The following DAW1 variants were observed in gnomAD, a reference collection of about 807,000 sequenced individuals.
DAW1 encodes dynein assembly factor with WD repeat domains 1.
In DAW1, 47 loss-of-function variants were observed where a neutral mutation model predicts 56.5. The ratio of observed to expected loss-of-function variants is 0.83; its 90% confidence interval spans 0.66 to 1.06. DAW1 has a LOEUF of 1.06. Among genes scored for constraint, DAW1 ranks in the 50% least tolerant of loss-of-function variants. The pLI, the probability that DAW1 is intolerant of heterozygous loss-of-function variation, is 0.00. For missense variants in DAW1, 505 were observed against 499.3 expected (o/e 1.01, Z -0.11); for synonymous variants, 190 against 179.0 (o/e 1.06, Z -0.49).
At chr2:227,871,834 C>G (rs1280335712) in intron 1 of DAW1, 105 bp downstream of exon 1, 10 of 1,494,386 alleles carry the variant, frequency 6.7e-6, no homozygotes, top group Non-Finnish European at 8.2e-6. Context: ...CGGCGGGGTC[C>G]CCAGGTGGGG....
At chr2:227,885,658 A>AG (rs397974344) in intron 2 of DAW1, among the ~76,000 whole-genome samples, 1 of 151,926 alleles carries the variant, frequency 6.6e-6, no homozygotes, top group Non-Finnish European at 1.5e-5. Context: ...TCTTAAAAAA[A>AG]TAAACCTTTT....
At chr2:227,880,217 C>G (rs1690976168) in intron 1 of DAW1, among the ~76,000 whole-genome samples, 1 of 152,108 alleles carries the variant, frequency 6.6e-6, no homozygotes, top group African/African-American at 2.4e-5. Flanking sequence ...GATACAGTAT[C>G]TCTTTCTTAT....
chr2:227,876,347 T>C, intron 1 of DAW1: 1 of 1,038,046 alleles, frequency 9.6e-7, no homozygotes, highest in South Asian at 1.6e-5. Flanking sequence ...GCTCACGTAA[T>C]TCTCTTGACT....
chr2:227,923,730 A>G (rs569859838), intron 12 of DAW1, among the ~76,000 whole-genome samples: 2 of 151,902 alleles, frequency 1.3e-5, no homozygotes, highest in East Asian at 1.9e-4. Context: ...TTAATTTACA[A>G]CTAGCTGGTA....
intron 8 of DAW1, 92 bp downstream of exon 8, chr2:227,905,127 C>A: frequency 1.0e-6 from 1 of 957,732 alleles, no homozygotes; most frequent in South Asian, 1.8e-5. Context: ...TATCTATTAA[C>A]TCTGCTTTGG....
intron 5 of DAW1, among the ~76,000 whole-genome samples, chr2:227,896,087 G>A (rs1691400421): frequency 6.6e-6 from 1 of 152,040 alleles, no homozygotes; most frequent in South Asian, 2.1e-4. Context: ...AATTGTGATG[G>A]CACCAACTTA....
At chr2:227,892,774 TG>T (rs1331147607) in intron 4 of DAW1, among the ~76,000 whole-genome samples, 2 of 152,160 alleles carry the variant, frequency 1.3e-5, no homozygotes, top group Admixed American at 6.5e-5. Context: ...TTCAATTTTG[TG>T]GGTTGTTTTC....
chr2:227,880,730 C>A (rs12151451), intron 1 of DAW1, among the ~76,000 whole-genome samples: 1 of 152,028 alleles, frequency 6.6e-6, no homozygotes, highest in Non-Finnish European at 1.5e-5. Flanking sequence ...GAAAAATTCC[C>A]TCTGAGAGAT....
chr2:227,893,981 GAGAAAGGGA>G (rs1691345305), intron 5 of DAW1, 64 bp downstream of exon 5: 1 of 1,461,518 alleles, frequency 6.8e-7, no homozygotes, highest in African/African-American at 1.4e-5. Context: ...TCTGCTTGGG[GAGAAAGGGA>G]AGAAGACAAG....
At chr2:227,900,928 C>T (rs1250327444) in intron 6 of DAW1, among the ~76,000 whole-genome samples, 2 of 152,154 alleles carry the variant, frequency 1.3e-5, no homozygotes, top group Non-Finnish European at 2.9e-5. Flanking sequence ...GAGAGGCAAG[C>T]AAGGGCCATA....
intron 4 of DAW1, 76 bp downstream of exon 4, chr2:227,891,389 G>T: frequency 8.0e-7 from 1 of 1,248,326 alleles, no homozygotes; most frequent in Non-Finnish European, 1.2e-6. Context: ...ATTCCAGTTA[G>T]ATAAGTACAT....
chr2:227,891,402 T>G, intron 4 of DAW1, 89 bp downstream of exon 4: 3 of 1,132,934 alleles, frequency 2.6e-6, no homozygotes, highest in Non-Finnish European at 3.9e-6. Context: ...AAGTACATAA[T>G]ATATTCATTT....
chr2:227,905,968 A>C (rs1448935004), intron 8 of DAW1, among the ~76,000 whole-genome samples: 1 of 152,102 alleles, frequency 6.6e-6, no homozygotes, highest in East Asian at 1.9e-4. Flanking sequence ...GTTAGCCAGG[A>C]TGGTCTCTAT....
intron 7 of DAW1, 28 bp downstream of exon 7, chr2:227,903,137 T>A: frequency 6.2e-7 from 1 of 1,601,176 alleles, no homozygotes. Context: ...ATAAGCCTGT[T>A]ATTTGTGTTC....
intron 1 of DAW1, among the ~76,000 whole-genome samples, chr2:227,885,010 T>A (rs1691091705): frequency 6.6e-6 from 1 of 152,042 alleles, no homozygotes; most frequent in African/African-American, 2.4e-5. Flanking sequence ...AGTTTTGGGG[T>A]GTGGAATGCG....
At position 227,909,670 on chromosome 2, in the gene DAW1, G is replaced by A. The variant is rs576621569; in HGVS notation, c.973+2418G>A. 3.9e-5 allele frequency among the ~76,000 whole-genome samples: 6 copies of A among 152,104 alleles called. 1 individual carries two copies. The South Asian group carries it at 1.0e-3, about 26-fold the overall frequency. On this transcript the variant is annotated intron_variant, in intron 10 of 12. Coordinates refer to ENST00000309931, the MANE Select transcript of DAW1 (RefSeq NM_178821.3). ...CCAAAAACTTGAGAGAACTGAGGAGGGCACTGGTGTCAGTCTTGGAGTCTG... is the reference window on the plus strand; with the variant it reads ...CCAAAAACTTGAGAGAACTGAGGAGAGCACTGGTGTCAGTCTTGGAGTCTG...
intron 10 of DAW1, among the ~76,000 whole-genome samples, chr2:227,913,942 C>G (rs1320304861): frequency 6.7e-6 from 1 of 150,312 alleles, no homozygotes; most frequent in Non-Finnish European, 1.5e-5. Context: ...TCATCATCAT[C>G]ATCATCATCT....
intron 2 of DAW1, 62 bp downstream of exon 2, chr2:227,885,485 G>C: frequency 7.8e-7 from 1 of 1,274,784 alleles, no homozygotes; most frequent in Non-Finnish European, 1.1e-6. Context: ...ACAGAGTGAT[G>C]TGTGGATGAG....
In DAW1 at chr2:227,916,640, T is replaced by C. The variant is rs369999098; in HGVS notation, c.974-2140T>C. Among the ~76,000 whole-genome samples, 11 of 152,302 alleles carry C rather than the reference T, an allele frequency of 7.2e-5. No individual in the cohort carries two copies. The East Asian group carries it at 9.7e-4, about 13-fold the overall frequency. On this transcript the variant is annotated intron_variant, in intron 10 of 12. Transcript: ENST00000309931. ...CCATGGATATATGTCATATCCGTGATGGCCATGTATACTATATTATTTGGG... is the reference window on the plus strand; with the variant it reads ...CCATGGATATATGTCATATCCGTGACGGCCATGTATACTATATTATTTGGG...
Sources: allele counts gnomAD v4.1 joint callset (sites outside exome capture counted in the v4.1 genomes callset), GRCh38; gene constraint gnomAD v4.1.1; transcripts MANE v1.5; gene names NCBI Gene and HGNC (gene_info 2026-07-23, HGNC 2026-07-21).